RORA: variants seen among roughly 807,000 people sequenced by gnomAD.
RORA encodes the protein nuclear receptor ROR-alpha.
Under a neutral mutation model 69.5 loss-of-function variants are expected in RORA, and 7 were observed. The observed-to-expected ratio is 0.10, with a 90% CI of 0.06 to 0.19. RORA has a LOEUF of 0.19. Ranked by LOEUF, RORA falls within the 10% of genes least tolerant of loss-of-function variation. The pLI, the probability that RORA is intolerant of heterozygous loss-of-function variation, is 1.00. For missense variants in RORA, 457 were observed against 663.0 expected (o/e 0.69, Z 3.41); for synonymous variants, 261 against 240.8 (o/e 1.08, Z -0.78).
chr15:60,536,251 A>G (rs1246214439), intron 2 of RORA, among the ~76,000 whole-genome samples: 1 of 152,246 alleles, frequency 6.6e-6, no homozygotes, highest in Non-Finnish European at 1.5e-5. Flanking sequence ...AGCATTTTAT[A>G]TATGTATTCT....
At chr15:60,853,183 G>A (rs1391534207) in intron 1 of RORA, among the ~76,000 whole-genome samples, 1 of 152,148 alleles carries the variant, frequency 6.6e-6, no homozygotes, top group Admixed American at 6.5e-5. Context: ...CAAAATGAAT[G>A]TCACAGAAAA....
chr15:61,033,334 T>A (rs1282976192), intron 1 of RORA, among the ~76,000 whole-genome samples: 2 of 152,078 alleles, frequency 1.3e-5, no homozygotes, highest in African/African-American at 4.8e-5. Flanking sequence ...GGACTAATTC[T>A]CCCCAACAAT....
intron 1 of RORA, among the ~76,000 whole-genome samples, chr15:61,001,077 T>C (rs1393503061): frequency 5.3e-5 from 8 of 152,234 alleles, no homozygotes; most frequent in Admixed American, 2.6e-4. Context: ...TACCTTATTA[T>C]TGGGCAAATG....
At chr15:60,959,549 A>C (rs535332628) in intron 1 of RORA, among the ~76,000 whole-genome samples, 2 of 152,330 alleles carry the variant, frequency 1.3e-5, no homozygotes, top group East Asian at 3.9e-4. Flanking sequence ...AAACAACAAC[A>C]ACAACAAATC....
At chr15:60,775,308 C>A (rs1321903686) in intron 1 of RORA, among the ~76,000 whole-genome samples, 1 of 152,024 alleles carries the variant, frequency 6.6e-6, no homozygotes, top group Non-Finnish European at 1.5e-5. Context: ...TAATAGAATT[C>A]TCTCTTCAGT....
In RORA at chr15:61,139,519, G is replaced by C. The variant is rs151282616; in HGVS notation, c.166+89534C>G. On this transcript the variant is annotated intron_variant, in intron 1 of 10. Transcript: ENST00000335670. ...GCGAGTCTTAATACATCAACTTTTGGATTTGCAGGTGAGAAAATGTGACCA... is the reference window on the plus strand; with the variant it reads ...GCGAGTCTTAATACATCAACTTTTGCATTTGCAGGTGAGAAAATGTGACCA... 2.9e-3 allele frequency among the ~76,000 whole-genome samples: 435 copies of C among 152,342 alleles called. 2 individuals carry two copies. Among genetic ancestry groups the C allele is most frequent in the African/African-American group, 1.0e-2 (414 of 41,586 alleles).
chr15:60,897,043 G>T (rs767565827), intron 1 of RORA, among the ~76,000 whole-genome samples: 1 of 152,146 alleles, frequency 6.6e-6, no homozygotes, highest in Non-Finnish European at 1.5e-5. Flanking sequence ...TTCAGGAGTG[G>T]GTCCTGGGGT....
chr15:60,627,251 C>T (rs760364540), intron 2 of RORA: 3 of 1,614,102 alleles, frequency 1.9e-6, no homozygotes. Flanking sequence ...CTGGCTCCTT[C>T]ACCTGCAGGT....
At chr15:60,973,370 T>A (rs986002428) in intron 1 of RORA, among the ~76,000 whole-genome samples, 4 of 152,156 alleles carry the variant, frequency 2.6e-5, no homozygotes, top group African/African-American at 9.7e-5. Flanking sequence ...TATCTCCTGA[T>A]TCAGGAGCCA....
chr15:61,209,541 C>A (rs192049341), intron 1 of RORA, among the ~76,000 whole-genome samples: 9 of 152,290 alleles, frequency 5.9e-5, no homozygotes, highest in African/African-American at 2.2e-4. Context: ...ATGTTTGTGT[C>A]CCCATAAAAT....
chr15:61,098,157 C>T (rs1239938327), intron 1 of RORA, among the ~76,000 whole-genome samples: 2 of 89,308 alleles, frequency 2.2e-5, no homozygotes, highest in Non-Finnish European at 5.5e-5. Flanking sequence ...CCCTCCCTCC[C>T]TTCCTTCCTT....
chr15:60,717,225 G>C (rs1276812933), intron 1 of RORA, among the ~76,000 whole-genome samples: 1 of 152,192 alleles, frequency 6.6e-6, no homozygotes, highest in Admixed American at 6.5e-5. Context: ...AGTCTTCTGT[G>C]TTGATTATTG....
chr15:61,014,492 T>G (rs1895211263), intron 1 of RORA, among the ~76,000 whole-genome samples: 1 of 152,238 alleles, frequency 6.6e-6, no homozygotes, highest in African/African-American at 2.4e-5. Flanking sequence ...GCTTTTGATT[T>G]ATTGAGGTCA....
chr15:60,617,325 G>A (rs557973222), intron 2 of RORA, among the ~76,000 whole-genome samples: 2 of 152,220 alleles, frequency 1.3e-5, no homozygotes, highest in South Asian at 4.1e-4. Context: ...ACTAATTGAG[G>A]CAAAGAAATC....
rs568094753 is a variant in RORA at position 61,190,210 on chromosome 15, A to C, written c.166+38843T>G. Among the ~76,000 whole-genome samples, 3 of 152,294 alleles carry C rather than the reference A, an allele frequency of 2.0e-5. No homozygotes were observed. In the South Asian group the frequency reaches 6.2e-4, roughly 32 times the overall value. On this transcript the variant is annotated intron_variant, in intron 1 of 10. Transcript: ENST00000335670. ...AAAAAAATCAGTGTGTCTTGCTGTA[A>C]GAACATCAGTGTGCTCAGAGCTAAA...
chr15:60,892,976 T>A (rs1891121267), intron 1 of RORA, among the ~76,000 whole-genome samples: 1 of 152,166 alleles, frequency 6.6e-6, no homozygotes, highest in Non-Finnish European at 1.5e-5. Context: ...GCCCACCCCC[T>A]CTCCCATTGC....
At chr15:60,731,358 T>C (rs966957137) in intron 1 of RORA, among the ~76,000 whole-genome samples, 2 of 152,222 alleles carry the variant, frequency 1.3e-5, no homozygotes, top group African/African-American at 4.8e-5. Flanking sequence ...ACCATTTAGT[T>C]TGTGGGATGC....
At chr15:60,635,222 C>A (rs1215658002) in intron 2 of RORA, among the ~76,000 whole-genome samples, 1 of 152,232 alleles carries the variant, frequency 6.6e-6, no homozygotes, top group East Asian at 1.9e-4. Context: ...CCATATATTT[C>A]TCTTCCTAAC....
intron 1 of RORA, among the ~76,000 whole-genome samples, chr15:60,975,923 T>G (rs59507824): frequency 0.18 from 26,924 of 152,142 alleles, 2,508 homozygotes; most frequent in African/African-American, 0.23. Flanking sequence ...CATTTGCATT[T>G]TGTGAGGTTT....
Sources: gnomAD v4.1 joint callset for allele counts (sites outside exome capture counted in the v4.1 genomes callset) on GRCh38, gnomAD v4.1.1 for gene constraint, MANE v1.5 for transcripts, NCBI Gene and HGNC (gene_info 2026-07-23, HGNC 2026-07-21) for gene names.